Variants in RBMS3 observed in about 807,000 individuals in gnomAD.
RBMS3 encodes the protein RNA binding motif single stranded interacting protein 3, also known as RNA-binding motif, single-stranded-interacting protein 3.
Under a neutral mutation model 66.8 loss-of-function variants are expected in RBMS3, and 27 were observed. The observed-to-expected ratio is 0.40, with a 90% CI of 0.30 to 0.56. The LOEUF is 0.56. Among genes scored for constraint, RBMS3 ranks in the 20% least tolerant of loss-of-function variants. RBMS3 has a pLI of 0.40. For missense variants in RBMS3, 513 were observed against 549.5 expected (o/e 0.93, Z 0.66); for synonymous variants, 188 against 183.0 (o/e 1.03, Z -0.22).
chr3:29,561,547 G>A (rs1203417531), intron 3 of RBMS3, among the ~76,000 whole-genome samples: 2 of 152,062 alleles, frequency 1.3e-5, no homozygotes, highest in African/African-American at 4.8e-5. Flanking sequence ...CTGCCTCATT[G>A]GTTCGAGCAA....
At chr3:29,948,591 A>C (rs2149711294) in intron 12 of RBMS3, among the ~76,000 whole-genome samples, 1 of 151,962 alleles carries the variant, frequency 6.6e-6, no homozygotes, top group Non-Finnish European at 1.5e-5. Flanking sequence ...TAAGTTCATT[A>C]GTACCTCCAA....
intron 5 of RBMS3, among the ~76,000 whole-genome samples, chr3:29,741,169 T>C (rs567124653): frequency 6.6e-6 from 1 of 152,318 alleles, no homozygotes; most frequent in South Asian, 2.1e-4. Context: ...TTGTGGACCA[T>C]GTGTGAAAAT....
At chr3:29,471,722 T>C (rs978615561) in intron 2 of RBMS3, among the ~76,000 whole-genome samples, 1 of 149,764 alleles carries the variant, frequency 6.7e-6, no homozygotes, top group Non-Finnish European at 1.5e-5. Flanking sequence ...GACTTAGTTT[T>C]TTTTTTTTTT....
chr3:29,420,993 G>A (rs13087985), intron 1 of RBMS3, among the ~76,000 whole-genome samples: 17,094 of 147,590 alleles, frequency 0.12, 1,386 homozygotes, highest in Admixed American at 0.26. Flanking sequence ...GGCGCCTGTA[G>A]TCCCAACTAC....
chr3:29,478,381 G>C (rs958344740), intron 2 of RBMS3, among the ~76,000 whole-genome samples: 1 of 152,126 alleles, frequency 6.6e-6, no homozygotes, highest in Non-Finnish European at 1.5e-5. Flanking sequence ...GTGCCTTCCA[G>C]CTTTGTCCTC....
chr3:29,412,578 T>C (rs1026356179), intron 1 of RBMS3, among the ~76,000 whole-genome samples: 6 of 152,176 alleles, frequency 3.9e-5, no homozygotes, highest in Non-Finnish European at 7.3e-5. Flanking sequence ...CATTGTTGAC[T>C]AGACTTTTAT....
intron 6 of RBMS3, among the ~76,000 whole-genome samples, chr3:29,853,562 C>T (rs2058995025): frequency 6.6e-6 from 1 of 151,650 alleles, no homozygotes. Flanking sequence ...ATTGTCCCTC[C>T]CCCTGTGCTC....
At chr3:29,809,786 G>A (rs1358149426) in intron 6 of RBMS3, among the ~76,000 whole-genome samples, 3 of 151,930 alleles carry the variant, frequency 2.0e-5, no homozygotes, top group Admixed American at 1.3e-4. Context: ...TCCTGTGAAG[G>A]CAGCAGTTTA....
At chr3:29,951,216 T>G (rs1013871923) in intron 12 of RBMS3, among the ~76,000 whole-genome samples, 1 of 151,884 alleles carries the variant, frequency 6.6e-6, no homozygotes, top group African/African-American at 2.4e-5. Context: ...GTGCTAAACA[T>G]CTTAGGAGAA....
intron 2 of RBMS3, among the ~76,000 whole-genome samples, chr3:29,440,383 T>G (rs1002585982): frequency 5.9e-5 from 9 of 152,194 alleles, no homozygotes; most frequent in African/African-American, 2.2e-4. Context: ...TGCATTGTTT[T>G]TCTATTATAA....
intron 1 of RBMS3, among the ~76,000 whole-genome samples, chr3:29,384,435 T>TAATAATAATAATAATAATAAG (rs776357215): frequency 2.0e-4 from 28 of 141,106 alleles, no homozygotes; most frequent in South Asian, 1.2e-3. Flanking sequence ...ATAATAATAA[T>TAATAATAATAATAATAATAAG]AAGAAGAAGA....
chr3:29,890,519 GTTA>G (rs929036868), intron 8 of RBMS3, among the ~76,000 whole-genome samples: 28 of 151,630 alleles, frequency 1.8e-4, no homozygotes, highest in African/African-American at 6.8e-4. Context: ...CTCCAATCCA[GTTA>G]TTATTGTTCA....
At chr3:29,387,139 A>C (rs1380570757) in intron 1 of RBMS3, among the ~76,000 whole-genome samples, 2 of 152,134 alleles carry the variant, frequency 1.3e-5, no homozygotes, top group Non-Finnish European at 2.9e-5. Flanking sequence ...AGGAGCATAT[A>C]TAAATTTGCT....
chr3:29,542,286 T>C (rs1476084765), intron 3 of RBMS3, among the ~76,000 whole-genome samples: 2 of 152,344 alleles, frequency 1.3e-5, no homozygotes, highest in Non-Finnish European at 2.9e-5. Context: ...TTTAATACTT[T>C]GCCCATTTTT....
chr3:29,340,605 CT>C (rs2125536483), intron 1 of RBMS3, among the ~76,000 whole-genome samples: 1 of 152,254 alleles, frequency 6.6e-6, no homozygotes, highest in Non-Finnish European at 1.5e-5. Flanking sequence ...ATCTTTTCTT[CT>C]GTTCAAAAGT....
intron 3 of RBMS3, among the ~76,000 whole-genome samples, chr3:29,584,919 C>A (rs2047458451): frequency 6.6e-6 from 1 of 152,134 alleles, no homozygotes; most frequent in Non-Finnish European, 1.5e-5. Context: ...TCATTTCACA[C>A]CACTGCTTCT....
intron 4 of RBMS3, among the ~76,000 whole-genome samples, chr3:29,729,475 T>C (rs1489900944): frequency 6.6e-6 from 1 of 152,184 alleles, no homozygotes; most frequent in African/African-American, 2.4e-5. Flanking sequence ...TATAGTAGCA[T>C]GATTTATAAT....
chr3:29,392,946 T>G (rs1223566316), intron 1 of RBMS3, among the ~76,000 whole-genome samples: 1 of 152,098 alleles, frequency 6.6e-6, no homozygotes, highest in Non-Finnish European at 1.5e-5. Context: ...CTTCTCCCTG[T>G]TACAATTTTT....
intron 4 of RBMS3, among the ~76,000 whole-genome samples, chr3:29,691,011 T>G (rs997218018): frequency 6.6e-6 from 1 of 152,208 alleles, no homozygotes; most frequent in Non-Finnish European, 1.5e-5. Context: ...TAGCAAGGTT[T>G]ATACATGTTT....
Sources: gnomAD v4.1 joint callset for allele counts (sites outside exome capture counted in the v4.1 genomes callset) on GRCh38, gnomAD v4.1.1 for gene constraint, MANE v1.5 for transcripts, NCBI Gene and HGNC (gene_info 2026-07-23, HGNC 2026-07-21) for gene names.